Variants in CEP128 observed in about 807,000 individuals in gnomAD.
The protein encoded by CEP128 is centrosomal protein 128.
In CEP128, 132 loss-of-function variants were observed where a neutral mutation model predicts 156.7. The ratio of observed to expected loss-of-function variants is 0.84; its 90% CI spans 0.73 to 0.97. The LOEUF is 0.97. Among genes scored for constraint, CEP128 ranks in the 50% least tolerant of loss-of-function variants. The pLI is 0.00. For synonymous variants in CEP128, 469 were observed against 448.9 expected, an observed-to-expected ratio of 1.04 and a Z score of -0.57; for missense variants, 1,252 against 1,281.9, an observed-to-expected ratio of 0.98 and a Z score of 0.36.
chr14:80,899,964 G>A lies in CEP128; in HGVS notation c.546C>T (p.Phe182=). Residue 182 remains phenylalanine, a synonymous_variant, in exon 7 of 25, where the codon TTC becomes TTT. Transcript: ENST00000555265. The stretch of plus-strand genomic sequence containing the variant: ...GGCTCCTTCTGGAAAGCTCCCTGTT[G>A]AAATCATCTCCAAGGCGAATTTGTT... ...SSEQIRLGDD[F]NRELSRRSRS... 1.2e-5 allele frequency: 20 copies of A among 1,613,640 alleles called. No individual in the cohort carries two copies. The highest frequency in any genetic ancestry group is 1.7e-5 in the Non-Finnish European group (20 of 1,179,648).
chr14:80,497,733 A>G (rs988040684), intron 24 of CEP128, 151 bp from the exon 25 acceptor site: 1 of 625,960 alleles, frequency 1.6e-6, no homozygotes, highest in Non-Finnish European at 2.8e-6. Context: ...CCTCCAAGCT[A>G]AGAATAAATA....
chr14:80,572,947 G>C (rs1891207166), intron 20 of CEP128, among the ~76,000 whole-genome samples: 1 of 152,124 alleles, frequency 6.6e-6, no homozygotes, highest in Non-Finnish European at 1.5e-5. Flanking sequence ...TTTTTTGATG[G>C]AGTCTTGCTC....
intron 2 of CEP128, among the ~76,000 whole-genome samples, chr14:80,951,415 A>G (rs1282308143): frequency 4.6e-5 from 7 of 152,126 alleles, no homozygotes; most frequent in Non-Finnish European, 7.4e-5. Context: ...GTTCTTTTAA[A>G]CCAAGTATAA....
intron 23 of CEP128, among the ~76,000 whole-genome samples, chr14:80,522,471 C>T (rs533134775): frequency 9.9e-5 from 15 of 152,284 alleles, no homozygotes; most frequent in South Asian, 2.1e-4. Flanking sequence ...CATCTTATCC[C>T]GTAAAACATC....
downstream of CEP128, among the ~76,000 whole-genome samples, chr14:80,486,826 TGAGA>T (rs1887176930): frequency 6.6e-6 from 1 of 152,134 alleles, no homozygotes; most frequent in South Asian, 2.1e-4. Context: ...AAGCAAATGC[TGAGA>T]GATTTTGTCA....
intron 19 of CEP128, among the ~76,000 whole-genome samples, chr14:80,614,349 C>A (rs1457049713): frequency 6.6e-6 from 1 of 152,134 alleles, no homozygotes; most frequent in African/African-American, 2.4e-5. Context: ...ATACTGCTGA[C>A]TACATTCCTA....
chr14:80,618,070 TGAG>T (rs1893304080), intron 19 of CEP128, among the ~76,000 whole-genome samples: 1 of 152,210 alleles, frequency 6.6e-6, no homozygotes, highest in African/African-American at 2.4e-5. Context: ...TAAGCATTCT[TGAG>T]GAGAATTATC....
At chr14:80,806,800 T>C in intron 13 of CEP128, among the ~76,000 whole-genome samples, 1 of 3,922 alleles carries the variant, frequency 2.5e-4, no homozygotes, top group East Asian at 0.062. Flanking sequence ...CACAGATCAA[T>C]TTAAAAAAAA....
chr14:80,871,190 A>G (rs1888010823), intron 8 of CEP128, among the ~76,000 whole-genome samples: 2 of 152,034 alleles, frequency 1.3e-5, no homozygotes, highest in Non-Finnish European at 2.9e-5. Context: ...AACGAAAGAA[A>G]CCCAGGTAGG....
intron 7 of CEP128, among the ~76,000 whole-genome samples, chr14:80,899,504 A>G (rs1883404878): frequency 6.6e-6 from 1 of 152,232 alleles, no homozygotes; most frequent in South Asian, 2.1e-4. Context: ...CTGACCCTCA[A>G]AGATTTCAAC....
intron 16 of CEP128, among the ~76,000 whole-genome samples, chr14:80,768,737 T>C (rs1900365967): frequency 6.6e-6 from 1 of 152,204 alleles, no homozygotes; most frequent in Admixed American, 6.5e-5. Context: ...CTTACAAAAG[T>C]TTGTTTCCAT....
At chr14:80,870,086 A>C (rs931602024) in intron 8 of CEP128, among the ~76,000 whole-genome samples, 1 of 152,022 alleles carries the variant, frequency 6.6e-6, no homozygotes, top group East Asian at 1.9e-4. Flanking sequence ...ATAATGAGTA[A>C]GGTGATTGAA....
intron 19 of CEP128, among the ~76,000 whole-genome samples, chr14:80,677,547 C>G (rs1896113532): frequency 6.7e-6 from 1 of 149,288 alleles, no homozygotes; most frequent in African/African-American, 2.5e-5. Context: ...TCTTCTCCCA[C>G]CCAGGTGGTT....
intron 8 of CEP128, among the ~76,000 whole-genome samples, chr14:80,867,762 G>C (rs1213093756): frequency 6.6e-6 from 1 of 152,100 alleles, no homozygotes; most frequent in African/African-American, 2.4e-5. Context: ...GTCCCAGAAG[G>C]AGCAAAGAAA....
intron 23 of CEP128, among the ~76,000 whole-genome samples, chr14:80,523,498 T>G (rs1298201931): frequency 6.6e-6 from 1 of 152,226 alleles, no homozygotes; most frequent in Non-Finnish European, 1.5e-5. Context: ...TTTCTTATGA[T>G]GCCATTCTCC....
At chr14:80,681,502 T>C (rs568780583) in intron 19 of CEP128, among the ~76,000 whole-genome samples, 3 of 152,266 alleles carry the variant, frequency 2.0e-5, no homozygotes, top group South Asian at 4.2e-4. Context: ...TCAAACTGAA[T>C]TGTAGTTCCC....
chr14:80,542,859 G>A (rs1311760296), intron 21 of CEP128, among the ~76,000 whole-genome samples: 1 of 152,158 alleles, frequency 6.6e-6, no homozygotes, highest in Admixed American at 6.5e-5. Context: ...GGCTAAGGTA[G>A]GGTCTAGGTT....
chr14:80,597,381 A>G (rs964627661), intron 19 of CEP128, among the ~76,000 whole-genome samples: 8 of 152,188 alleles, frequency 5.3e-5, no homozygotes, highest in Admixed American at 2.0e-4. Context: ...AATGTAAAAT[A>G]CCTAATTTAA....
chr14:80,890,579 G>A (rs563978033), intron 8 of CEP128, among the ~76,000 whole-genome samples: 1 of 152,190 alleles, frequency 6.6e-6, no homozygotes, highest in South Asian at 2.1e-4. Context: ...TGAACAATGA[G>A]AACACATGGA....
Sources: allele counts gnomAD v4.1 joint callset (sites outside exome capture counted in the v4.1 genomes callset), GRCh38; gene constraint gnomAD v4.1.1; transcripts MANE v1.5; gene names NCBI Gene and HGNC (gene_info 2026-07-23, HGNC 2026-07-21).